The following KANK1 variants were observed in gnomAD, a reference collection of about 807,000 sequenced individuals.
KANK1 encodes KN motif and ankyrin repeat domain-containing protein 1.
A neutral mutation model predicts 106.2 loss-of-function variants in KANK1; 109 were observed. That is an observed-to-expected ratio of 1.03 (90% confidence interval 0.88 to 1.20). The LOEUF (loss-of-function observed/expected upper bound fraction) is 1.20. KANK1 is among the 50% of genes most tolerant of loss of function. The pLI, the probability that KANK1 is intolerant of heterozygous loss-of-function variation, is 0.00. For missense variants in KANK1, 2,399 were observed against 1,710.7 expected (o/e 1.40, Z -7.10); for synonymous variants, 873 against 652.2 (o/e 1.34, Z -5.16).
intron 1 of KANK1, among the ~76,000 whole-genome samples, chr9:504,967 G>C (rs181321384): frequency 3.3e-5 from 5 of 151,042 alleles, no homozygotes; most frequent in Admixed American, 1.3e-4. Flanking sequence ...TCCTGGGGGG[G>C]GGTCCGAGAG....
At chr9:501,637 CA>C (rs1205959842), upstream of KANK1, among the ~76,000 whole-genome samples, 4 of 151,398 alleles carry the variant, frequency 2.6e-5, no homozygotes, top group African/African-American at 7.3e-5. Flanking sequence ...CACACACACA[CA>C]CACCCCAATT....
At chr9:480,882 C>G (rs767342911) in intron 3 of KANK1, among the ~76,000 whole-genome samples, 2 of 152,202 alleles carry the variant, frequency 1.3e-5, no homozygotes, top group African/African-American at 2.4e-5. Context: ...CTGCAGAGGA[C>G]TGGAGAGGCA....
intron 1 of KANK1, among the ~76,000 whole-genome samples, chr9:533,742 C>T (rs556778444): frequency 2.0e-5 from 3 of 152,268 alleles, no homozygotes; most frequent in South Asian, 2.1e-4. Context: ...GAGACAGATG[C>T]AAAGGTCATG....
intron 1 of KANK1, among the ~76,000 whole-genome samples, chr9:583,729 A>T (rs1822752796): frequency 6.6e-6 from 1 of 150,910 alleles, no homozygotes; most frequent in South Asian, 2.1e-4. Context: ...ATTAACATAT[A>T]CTTCCTTTAT....
chr9:620,493 C>A (rs950678377), intron 1 of KANK1, among the ~76,000 whole-genome samples: 2 of 152,010 alleles, frequency 1.3e-5, no homozygotes, highest in African/African-American at 4.8e-5. Flanking sequence ...ACCTACACCT[C>A]CCAGGTTCAA....
rs571641360 is a variant in KANK1, at chr9:535,452, G to T, written c.-84+30698G>T. On this transcript the variant is annotated intron_variant, in intron 1 of 11. Transcript: ENST00000382297. ...AGCTCACATTTTTGGTGCCTACTCT[G>T]TACTGGGCACTGTACTGTGAGTTTT... 9.2e-5 allele frequency among the ~76,000 whole-genome samples: 14 copies of T among 152,292 alleles called. No individual in the cohort carries two copies. The South Asian group carries it at 2.5e-3, about 27-fold the overall frequency.
intron 1 of KANK1, among the ~76,000 whole-genome samples, chr9:663,863 G>A (rs937474707): frequency 2.6e-5 from 4 of 152,120 alleles, no homozygotes; most frequent in African/African-American, 9.7e-5. Context: ...GATGTAGAAT[G>A]GATGAGCAGT....
In KANK1 at chr9:523,412, A is replaced by G. The variant is rs142138535; in HGVS notation, c.-84+18658A>G. 5.9e-4 allele frequency among the ~76,000 whole-genome samples: 89 copies of G among 151,704 alleles called. 1 individual carries two copies. In the East Asian group the frequency reaches 0.014, roughly 23 times the overall value. ...ACTGCCACCATCCTCTCTCACCTCAATTACTGCACTAGCCTGATACCTGGA... is the reference window on the plus strand; with the variant it reads ...ACTGCCACCATCCTCTCTCACCTCAGTTACTGCACTAGCCTGATACCTGGA... On this transcript the variant is annotated intron_variant, in intron 1 of 11. Transcript: ENST00000382297.
chr9:719,121 G>A lies in KANK1; in HGVS notation c.2698+5657G>A, dbSNP rs768769493. ...ACTACAGGCACACGCCACCAGGCCC[G>A]GCTAAATTTTTTTTTATTATTATTT... On this transcript the variant is annotated intron_variant, in intron 3 of 11. Transcript: ENST00000382297. 6.6e-5 allele frequency among the ~76,000 whole-genome samples: 10 copies of A among 151,978 alleles called. No homozygotes were observed. In the South Asian group the frequency reaches 2.1e-3, roughly 32 times the overall value.
chr9:590,851 G>A (rs1196256655), intron 1 of KANK1, among the ~76,000 whole-genome samples: 1 of 151,758 alleles, frequency 6.6e-6, no homozygotes, highest in African/African-American at 2.4e-5. Flanking sequence ...AACTGTATTT[G>A]TGAGGCTGCT....
chr9:634,711 A>G (rs1422621497), intron 1 of KANK1, among the ~76,000 whole-genome samples: 1 of 152,304 alleles, frequency 6.6e-6, no homozygotes, highest in South Asian at 2.1e-4. Context: ...TCCCGTGGTT[A>G]TCTTAGCCCA....
At position 744,636 on chromosome 9, in the gene KANK1, G is replaced by C. The variant is rs578010217; in HGVS notation, c.3996+47G>C. 1.8e-5 allele frequency: 29 copies of C among 1,613,948 alleles called. 1 individual carries two copies. In the South Asian group the frequency reaches 2.9e-4, roughly 16 times the overall value. On this transcript the variant is annotated intron_variant, in intron 11 of 11. Coordinates refer to ENST00000382297, the MANE Select transcript of KANK1 (RefSeq NM_015158.5). ...TTTGTAAATAGGCTGAAATCCACCA[G>C]ACTGGTGGACCCCCTTCCTCCAGGA...
intron 1 of KANK1, among the ~76,000 whole-genome samples, chr9:518,896 T>G (rs2059420722): frequency 1.3e-5 from 2 of 151,494 alleles, no homozygotes; most frequent in Non-Finnish European, 2.9e-5. Context: ...TAAATTTTTT[T>G]TTTTTTGTTT....
At chr9:504,652 G>C (rs2058643990), upstream of KANK1, 1 of 151,418 alleles carries the variant, frequency 6.6e-6, no homozygotes, top group Non-Finnish European at 1.5e-5. Flanking sequence ...TCTGGCGCTT[G>C]CCAGCCGGGG....
chr9:612,627 G>C (rs978496486), intron 1 of KANK1, among the ~76,000 whole-genome samples: 4 of 152,136 alleles, frequency 2.6e-5, no homozygotes, highest in African/African-American at 9.7e-5. Context: ...ATGGGACAAA[G>C]TACAGAAACA....
intron 1 of KANK1, among the ~76,000 whole-genome samples, chr9:652,249 G>T (rs771844059): frequency 6.6e-6 from 1 of 152,196 alleles, no homozygotes; most frequent in East Asian, 1.9e-4. Context: ...GGCCAGGTGC[G>T]ACGGTTTACT....
In KANK1 at chr9:637,874, C is replaced by T. The variant is rs117167031; in HGVS notation, c.-83-39016C>T. On this transcript the variant is annotated intron_variant, in intron 1 of 11. Coordinates refer to ENST00000382297, the MANE Select transcript of KANK1 (RefSeq NM_015158.5). ...AGAAAAGCCAATATTTTTCATAAGT[C>T]CCAAAAGCAGCTTTTGGGGTTGGTT... 4.1e-3 allele frequency among the ~76,000 whole-genome samples: 624 copies of T among 152,160 alleles called. 3 individuals carry two copies. Among genetic ancestry groups the T allele is most frequent in the Non-Finnish European group, 7.2e-3 (491 of 67,996 alleles).
chr9:563,251 C>G (rs1466059324), intron 1 of KANK1, among the ~76,000 whole-genome samples: 1 of 151,936 alleles, frequency 6.6e-6, no homozygotes, highest in Non-Finnish European at 1.5e-5. Context: ...TAGCCCTCCC[C>G]AGAGTCTCTG....
intron 3 of KANK1, among the ~76,000 whole-genome samples, chr9:714,255 G>C (rs562932569): frequency 1.3e-4 from 20 of 152,068 alleles, no homozygotes; most frequent in Admixed American, 5.9e-4. Context: ...TAAATACTGT[G>C]AAGAAATTAA....
Sources: gnomAD v4.1 joint callset for allele counts (sites outside exome capture counted in the v4.1 genomes callset) on GRCh38, gnomAD v4.1.1 for gene constraint, MANE v1.5 for transcripts, NCBI Gene and HGNC (gene_info 2026-07-23, HGNC 2026-07-21) for gene names.